VPS13B: variants seen among roughly 807,000 people sequenced by gnomAD.
VPS13B encodes vacuolar protein sorting 13 homolog B.
In VPS13B, 285 loss-of-function variants were observed where a neutral mutation model predicts 426.4. The observed-to-expected ratio is 0.67, with a 90% CI of 0.61 to 0.74. The LOEUF (loss-of-function observed/expected upper bound fraction) is 0.74. VPS13B is among the 30% of genes least tolerant of loss of function. The pLI is 0.00. For missense variants in VPS13B, 4,537 were observed against 4,782.6 expected (o/e 0.95, Z 1.51); for synonymous variants, 1,676 against 1,676.4 (o/e 1.00, Z 0.01).
At chr8:99,826,643 G>T (rs1426487443) in intron 51 of VPS13B, among the ~76,000 whole-genome samples, 2 of 152,184 alleles carry the variant, frequency 1.3e-5, no homozygotes, top group Non-Finnish European at 2.9e-5. Context: ...TCCTTGTCTT[G>T]TGATGGTTTT....
intron 33 of VPS13B, among the ~76,000 whole-genome samples, chr8:99,634,784 CA>C (rs1399753474): frequency 6.6e-6 from 1 of 151,676 alleles, no homozygotes; most frequent in Non-Finnish European, 1.5e-5. Context: ...ATATTGAAGT[CA>C]ATTCTTTTTG....
At chr8:99,295,545 C>G (rs1421814772) in intron 19 of VPS13B, among the ~76,000 whole-genome samples, 1 of 152,156 alleles carries the variant, frequency 6.6e-6, no homozygotes, top group African/African-American at 2.4e-5. Context: ...AACACTATAG[C>G]TTAGCCTGGA....
At chr8:99,818,979 G>GGGGGT in intron 47 of VPS13B, 91 bp downstream of exon 47, 1 of 839,428 alleles carries the variant, frequency 1.2e-6, no homozygotes, top group Non-Finnish European at 1.9e-6. Context: ...CGGGGGAGGG[G>GGGGGT]TGGGTAGGGA....
intron 19 of VPS13B, among the ~76,000 whole-genome samples, chr8:99,379,343 T>A (rs1193500585): frequency 1.3e-5 from 2 of 151,722 alleles, no homozygotes; most frequent in Non-Finnish European, 2.9e-5. Flanking sequence ...CCAGTTACAT[T>A]TTTTTTTGGC....
intron 19 of VPS13B, among the ~76,000 whole-genome samples, chr8:99,352,881 A>G (rs1472548157): frequency 6.6e-6 from 1 of 152,090 alleles, no homozygotes; most frequent in East Asian, 1.9e-4. Context: ...CAAAGGGCAA[A>G]TTGTAAAAAT....
At chr8:99,319,030 C>G (rs1022920144) in intron 19 of VPS13B, among the ~76,000 whole-genome samples, 3 of 152,186 alleles carry the variant, frequency 2.0e-5, no homozygotes, top group African/African-American at 7.2e-5. Context: ...CATAATTGTA[C>G]TTTCCTAAGC....
chr8:99,442,455 A>T lies in VPS13B; in HGVS notation c.3265A>T (p.Ser1089Cys). 1 of 1,613,954 alleles carries T rather than the reference A, an allele frequency of 6.2e-7. No homozygotes were observed. Among genetic ancestry groups the T allele is most frequent in the Non-Finnish European group, 8.5e-7 (1 of 1,179,878 alleles). Residue 1089 changes from serine to cysteine, a missense_variant, in exon 23 of 62, where the codon AGT becomes TGT. Transcript: ENST00000357162. ...TCCAAATGATAGCCTGCCTTCCCCA[A>T]GTACAATTGTATCTGGTGACATTCC... ...FIPNDSLPSP[S>C]TIVSGDIPGT...
chr8:99,722,924 T>C (rs1833189805), intron 39 of VPS13B, among the ~76,000 whole-genome samples: 1 of 152,238 alleles, frequency 6.6e-6, no homozygotes, highest in South Asian at 2.1e-4. Flanking sequence ...GGTTTATAGT[T>C]ATAGCTAGAT....
At chr8:99,618,938 T>C (rs1024353229) in intron 33 of VPS13B, among the ~76,000 whole-genome samples, 1 of 152,176 alleles carries the variant, frequency 6.6e-6, no homozygotes, top group African/African-American at 2.4e-5. Context: ...CGAATACAGC[T>C]TCTTTTCTCC....
chr8:99,460,029 TA>T (rs1232213395), intron 23 of VPS13B, among the ~76,000 whole-genome samples: 4 of 152,298 alleles, frequency 2.6e-5, no homozygotes, highest in African/African-American at 9.6e-5. Flanking sequence ...AGTATTTTGT[TA>T]ATCTTGCTAT....
At chr8:99,082,554 T>A (rs1387048682) in intron 3 of VPS13B, among the ~76,000 whole-genome samples, 1 of 152,222 alleles carries the variant, frequency 6.6e-6, no homozygotes, top group African/African-American at 2.4e-5. Flanking sequence ...GTGTCCTGAA[T>A]GGTATTGCCT....
At chr8:99,289,132 A>G (rs1819595440) in intron 19 of VPS13B, among the ~76,000 whole-genome samples, 1 of 152,116 alleles carries the variant, frequency 6.6e-6, no homozygotes, top group Non-Finnish European at 1.5e-5. Flanking sequence ...GGGTCAACTC[A>G]TGAAATCTTT....
intron 19 of VPS13B, among the ~76,000 whole-genome samples, chr8:99,286,086 T>C (rs1454595824): frequency 1.3e-5 from 2 of 152,206 alleles, no homozygotes; most frequent in African/African-American, 4.8e-5. Context: ...ATAGCACTTT[T>C]GCTGTATCAT....
Position 99,875,737 on chromosome 8 carries a change from G to A in VPS13B, c.*71G>A. Reference sequence around the variant, plus strand: ...GGTTTCTTTGAGACAGGGTCTCACTGCATTGCCCTTGCTGACCTCAAATTC... The same window carrying A: ...GGTTTCTTTGAGACAGGGTCTCACTACATTGCCCTTGCTGACCTCAAATTC... On this transcript the variant is annotated 3_prime_UTR_variant, in exon 62 of 62. Coordinates refer to ENST00000357162, the MANE Select transcript of VPS13B (RefSeq NM_152564.5). 1.3e-6 allele frequency: 2 copies of A among 1,599,460 alleles called. No homozygotes were observed. The highest frequency in any genetic ancestry group is 3.4e-5 in the Admixed American group (2 of 59,578).
At chr8:99,758,330 G>A (rs1185419074) in intron 39 of VPS13B, among the ~76,000 whole-genome samples, 2 of 152,294 alleles carry the variant, frequency 1.3e-5, no homozygotes, top group Non-Finnish European at 2.9e-5. Flanking sequence ...GAGAGGATTA[G>A]TGAGTTAAGT....
At chr8:99,211,356 A>T (rs1815079051) in intron 17 of VPS13B, among the ~76,000 whole-genome samples, 1 of 152,044 alleles carries the variant, frequency 6.6e-6, no homozygotes, top group African/African-American at 2.4e-5. Context: ...CCAGGCTTCC[A>T]CCCGGTAATA....
chr8:99,219,724 G>T (rs1815595958), intron 17 of VPS13B, among the ~76,000 whole-genome samples: 2 of 152,210 alleles, frequency 1.3e-5, no homozygotes, highest in African/African-American at 4.8e-5. Flanking sequence ...TCATCCATGA[G>T]GGCAGAGTCC....
intron 35 of VPS13B, among the ~76,000 whole-genome samples, chr8:99,667,166 A>G (rs1273365929): frequency 6.6e-6 from 1 of 152,166 alleles, no homozygotes; most frequent in Non-Finnish European, 1.5e-5. Flanking sequence ...GTGATTTAAT[A>G]GTTCTAGAAG....
At chr8:99,487,350 A>G (rs927388011) in intron 25 of VPS13B, among the ~76,000 whole-genome samples, 6 of 152,194 alleles carry the variant, frequency 3.9e-5, no homozygotes, top group Non-Finnish European at 7.3e-5. Context: ...AAAATTTCTT[A>G]CTAAGAACTA....
Sources: allele counts gnomAD v4.1 joint callset (sites outside exome capture counted in the v4.1 genomes callset), GRCh38; gene constraint gnomAD v4.1.1; transcripts MANE v1.5; gene names NCBI Gene and HGNC (gene_info 2026-07-23, HGNC 2026-07-21).